Variants in TENT2 observed in about 807,000 individuals in gnomAD.
The protein encoded by TENT2 is poly(A) RNA polymerase GLD2.
A neutral mutation model predicts 72.2 loss-of-function variants in TENT2; 44 were observed. That is an observed-to-expected ratio of 0.61 (90% CI 0.48 to 0.78). TENT2 has a LOEUF of 0.78. Among genes scored for constraint, TENT2 ranks in the 30% least tolerant of loss-of-function variants. The pLI is 0.00. For missense variants in TENT2, 541 were observed against 569.6 expected, an observed-to-expected ratio of 0.95 and a Z score of 0.51; for synonymous variants, 212 against 192.5, an observed-to-expected ratio of 1.10 and a Z score of -0.84.
chr5:79,612,726 G>C lies in TENT2; in HGVS notation c.-387G>C, dbSNP rs1464085856. On this transcript the variant is annotated 5_prime_UTR_variant, in exon 1 of 15. Transcript: ENST00000453514. ...GCTCGGGCCTTAGAACTTCTGAACGGGCAGTGCGGGTAGGCCCTGCTTAGC... is the reference window on the plus strand; with the variant it reads ...GCTCGGGCCTTAGAACTTCTGAACGCGCAGTGCGGGTAGGCCCTGCTTAGC... The C allele has an allele frequency of 3.3e-5, 5 of 152,676 alleles. No individual in the cohort carries two copies. The East Asian group carries it at 9.6e-4, about 29-fold the overall frequency. The allele number at this position is 152,676 out of a possible 1,614,324, so 9.5% of individuals were successfully genotyped here. A position where few individuals can be genotyped will look rare whatever the true frequency, so the allele number is the denominator to read the frequency against.
At chr5:79,677,979 A>C (rs982547620) in intron 12 of TENT2, among the ~76,000 whole-genome samples, 30 of 152,254 alleles carry the variant, frequency 2.0e-4, no homozygotes, top group African/African-American at 6.7e-4. Flanking sequence ...GATTTTTAGT[A>C]GAGACATTTG....
At chr5:79,621,102 C>T (rs1319114450) in intron 3 of TENT2, among the ~76,000 whole-genome samples, 2 of 134,762 alleles carry the variant, frequency 1.5e-5, no homozygotes, top group African/African-American at 6.6e-5. Context: ...GAACAAGGTG[C>T]TGTAAAAAAA....
intron 12 of TENT2, among the ~76,000 whole-genome samples, chr5:79,671,208 T>G (rs1440556901): frequency 6.6e-6 from 1 of 152,110 alleles, no homozygotes; most frequent in Non-Finnish European, 1.5e-5. Flanking sequence ...GGAAAGAGGT[T>G]TCAGAACTTC....
Position 79,618,254 on chromosome 5 carries a change from T to A in TENT2, c.-37-1358T>A, listed in dbSNP as rs572864206. Among the ~76,000 whole-genome samples the A allele has an allele frequency of 2.0e-5, 3 of 152,316 alleles. No individual in the cohort carries two copies. In the South Asian group the frequency reaches 6.2e-4, roughly 32 times the overall value. On this transcript the variant is annotated intron_variant, in intron 1 of 14. Transcript: ENST00000453514. ...TTTATTTTATTTTTGTGAGATAGGG[T>A]CTTGCCTTGTGTCCCAGGGTGGAGT...
chr5:79,642,256 AATG>A (rs1441650674), intron 6 of TENT2, among the ~76,000 whole-genome samples: 1 of 152,058 alleles, frequency 6.6e-6, no homozygotes, highest in Non-Finnish European at 1.5e-5. Context: ...TTCCAGGAAG[AATG>A]ATATTTTTCT....
intron 8 of TENT2, among the ~76,000 whole-genome samples, chr5:79,647,480 ACT>A (rs1002838461): frequency 2.0e-5 from 3 of 152,276 alleles, no homozygotes; most frequent in Non-Finnish European, 2.9e-5. Context: ...ACAAAGAATA[ACT>A]CTATTATTAC....
rs565028297 is a variant in TENT2 at position 79,633,980 on chromosome 5, C to T, written c.466-6871C>T. Among the ~76,000 whole-genome samples, 146 of 138,154 alleles carry T rather than the reference C, an allele frequency of 1.1e-3. 1 individual carries two copies. Among genetic ancestry groups the T allele is most frequent in the African/African-American group, 3.8e-3 (136 of 35,736 alleles). 90.6% of individuals were successfully genotyped at this position (138,154 alleles called of 152,430 possible). On this transcript the variant is annotated intron_variant, in intron 4 of 14. Coordinates refer to ENST00000453514, the MANE Select transcript of TENT2 (RefSeq NM_001114394.3). ...CATCCTGGCTAACATGGTGAAACCCCGTCTCTACTAAAAATACAAAAAAAA... is the reference window on the plus strand; with the variant it reads ...CATCCTGGCTAACATGGTGAAACCCTGTCTCTACTAAAAATACAAAAAAAA...
chr5:79,631,108 T>C (rs1561480281), intron 4 of TENT2, among the ~76,000 whole-genome samples: 1 of 152,206 alleles, frequency 6.6e-6, no homozygotes, highest in Non-Finnish European at 1.5e-5. Context: ...TACTTTGGTG[T>C]GGAGGGGCTG....
At chr5:79,659,745 C>A (rs370359402) in intron 11 of TENT2, among the ~76,000 whole-genome samples, 1 of 151,140 alleles carries the variant, frequency 6.6e-6, no homozygotes, top group South Asian at 2.1e-4. Context: ...ATGATTGATA[C>A]AAGTGGTACT....
intron 8 of TENT2, among the ~76,000 whole-genome samples, chr5:79,645,523 C>T (rs1788120373): frequency 6.6e-6 from 1 of 151,836 alleles, no homozygotes; most frequent in Admixed American, 6.6e-5. Context: ...TTGACATGTA[C>T]TAATATCAAG....
intron 8 of TENT2, among the ~76,000 whole-genome samples, chr5:79,647,569 G>A (rs1387407471): frequency 6.6e-6 from 1 of 152,126 alleles, no homozygotes; most frequent in Non-Finnish European, 1.5e-5. Context: ...AATATGCATG[G>A]ATAATGGAAA....
At chr5:79,640,783 T>C in intron 4 of TENT2, 68 bp from the exon 5 acceptor site, 1 of 871,250 alleles carries the variant, frequency 1.1e-6, no homozygotes, top group South Asian at 1.7e-5. Context: ...TGATTTATGC[T>C]TCTCCATATA....
intron 13 of TENT2, among the ~76,000 whole-genome samples, chr5:79,680,285 C>T (rs1388710062): frequency 6.6e-6 from 1 of 152,050 alleles, no homozygotes; most frequent in African/African-American, 2.4e-5. Flanking sequence ...ATGTTTTAAT[C>T]TTGAATTATA....
intron 4 of TENT2, among the ~76,000 whole-genome samples, chr5:79,636,299 A>C (rs150136924): frequency 3.8e-4 from 58 of 152,322 alleles, no homozygotes; most frequent in Non-Finnish European, 6.3e-4. Context: ...ACAATTGCCA[A>C]CATATGACCA....
In TENT2 at chr5:79,666,240, C is replaced by T. The variant is rs192158020; in HGVS notation, c.1072-2652C>T. On this transcript the variant is annotated intron_variant, in intron 11 of 14. Transcript: ENST00000453514. ...CTGACCTCGAGGGAACCGCTCGCCT[C>T]GGCCTCCTGAAGTGCTGGGATTACA... Among the ~76,000 whole-genome samples, 1,074 of 142,530 alleles carry T rather than the reference C, an allele frequency of 7.5e-3. 14 individuals carry two copies. The highest frequency in any genetic ancestry group is 0.028 in the African/African-American group (968 of 34,390). 93.5% of individuals were successfully genotyped at this position (142,530 alleles called of 152,430 possible).
rs567158080 is a variant in TENT2 at position 79,620,209 on chromosome 5, C to T, written c.227+126C>T. The T allele has an allele frequency of 9.0e-5, 50 of 552,852 alleles. No homozygotes were observed. In the Admixed American group the frequency reaches 1.1e-3, roughly 12 times the overall value. The allele number at this position is 552,852 out of a possible 1,614,324, so 34.2% of individuals were successfully genotyped here. ...TTTTGTTTTCTGGGACCTGTACGAT[C>T]AGATGAGTCATGGAATTTTAACATT... On this transcript the variant is annotated intron_variant, in intron 3 of 14. Coordinates refer to ENST00000453514, the MANE Select transcript of TENT2 (RefSeq NM_001114394.3).
intron 7 of TENT2, among the ~76,000 whole-genome samples, chr5:79,643,890 G>A (rs112420055): frequency 4.0e-4 from 61 of 151,840 alleles, no homozygotes; most frequent in African/African-American, 1.3e-3. Flanking sequence ...TAGTTTGTTG[G>A]TCTCAGAACC....
chr5:79,622,518 C>A (rs949941532), intron 3 of TENT2, among the ~76,000 whole-genome samples: 1 of 152,014 alleles, frequency 6.6e-6, no homozygotes, highest in African/African-American at 2.4e-5. Context: ...TATCTGTATG[C>A]CTTTTGCCTA....
At chr5:79,672,451 C>A (rs568407426) in intron 12 of TENT2, among the ~76,000 whole-genome samples, 1 of 152,198 alleles carries the variant, frequency 6.6e-6, no homozygotes, top group Non-Finnish European at 1.5e-5. Flanking sequence ...CCACTTCCGC[C>A]TCTCCCTGCC....
Sources: allele counts gnomAD v4.1 joint callset (sites outside exome capture counted in the v4.1 genomes callset), GRCh38; gene constraint gnomAD v4.1.1; transcripts MANE v1.5; gene names NCBI Gene and HGNC (gene_info 2026-07-23, HGNC 2026-07-21).